NTM: variants seen among roughly 807,000 people sequenced by gnomAD.
The protein encoded by NTM is IgLON family member 2.
A neutral mutation model predicts 42.1 loss-of-function variants in NTM; 13 were observed. That is an observed-to-expected ratio of 0.31 (90% CI 0.20 to 0.49). The LOEUF is 0.49. NTM is among the 20% of genes least tolerant of loss of function. The pLI is 0.99. For synonymous variants in NTM, 187 were observed against 179.2 expected, an observed-to-expected ratio of 1.04 and a Z score of -0.35; for missense variants, 373 against 452.8, an observed-to-expected ratio of 0.82 and a Z score of 1.60.
chr11:131,830,880 T>C (rs763623533), intron 1 of NTM, among the ~76,000 whole-genome samples: 31 of 152,212 alleles, frequency 2.0e-4, no homozygotes, highest in Non-Finnish European at 3.7e-4. Context: ...GTAGATATCT[T>C]TCACCTCCTT....
chr11:131,878,745 G>A (rs947842827), intron 1 of NTM, among the ~76,000 whole-genome samples: 1 of 150,708 alleles, frequency 6.6e-6, no homozygotes, highest in Admixed American at 6.6e-5. Context: ...CTTTAGACAG[G>A]AAAAATAGGG....
intron 1 of NTM, among the ~76,000 whole-genome samples, chr11:131,632,274 A>T (rs1365122457): frequency 6.6e-6 from 1 of 152,152 alleles, no homozygotes; most frequent in Non-Finnish European, 1.5e-5. Flanking sequence ...CTGACTAACA[A>T]TATCTCAAAT....
intron 1 of NTM, among the ~76,000 whole-genome samples, chr11:131,656,571 T>A (rs1363598724): frequency 6.6e-6 from 1 of 152,218 alleles, no homozygotes; most frequent in East Asian, 1.9e-4. Context: ...ACCTGTAGCC[T>A]GTGTCACAGA....
rs548478571 is a variant in NTM, at chr11:131,718,872, C to T, written c.83-192692C>T. Among the ~76,000 whole-genome samples the T allele has an allele frequency of 2.4e-3, 368 of 152,268 alleles. 3 individuals are homozygous for T. Among genetic ancestry groups the T allele is most frequent in the African/African-American group, 8.3e-3 (346 of 41,568 alleles). On this transcript the variant is annotated intron_variant, in intron 1 of 8. Coordinates refer to ENST00000683400, the MANE Select transcript of NTM (RefSeq NM_001352005.2). ...GCTGGGATGAATGCTGTGCTCCTCT[C>T]GTTTTCCATCTCTCAGGAGTAATTA...
At chr11:131,749,830 C>A (rs895628164) in intron 1 of NTM, among the ~76,000 whole-genome samples, 1 of 152,120 alleles carries the variant, frequency 6.6e-6, no homozygotes, top group African/African-American at 2.4e-5. Context: ...AAACTCCTAA[C>A]CTCAGGTGAT....
intron 1 of NTM, among the ~76,000 whole-genome samples, chr11:131,656,709 C>G (rs2067231223): frequency 6.6e-6 from 1 of 152,062 alleles, no homozygotes; most frequent in Admixed American, 6.6e-5. Flanking sequence ...TCGTTCTGCC[C>G]CTGCGCGCTG....
At chr11:131,778,398 C>T (rs2087448213) in intron 1 of NTM, among the ~76,000 whole-genome samples, 1 of 152,190 alleles carries the variant, frequency 6.6e-6, no homozygotes, top group African/African-American at 2.4e-5. Flanking sequence ...GAATGAGAAA[C>T]TTAAAAGTGA....
chr11:131,919,210 G>A (rs2056874335), intron 2 of NTM, among the ~76,000 whole-genome samples: 1 of 151,778 alleles, frequency 6.6e-6, no homozygotes, highest in Non-Finnish European at 1.5e-5. Context: ...CTCTTAGGTT[G>A]AAAGTCTCCA....
chr11:131,453,749 T>C (rs907476426), intron 1 of NTM, among the ~76,000 whole-genome samples: 2 of 152,214 alleles, frequency 1.3e-5, no homozygotes, highest in Admixed American at 1.3e-4. Context: ...AGGAGCCATT[T>C]GCCATCTCTA....
chr11:131,449,885 GA>G, intron 1 of NTM, among the ~76,000 whole-genome samples: 1 of 152,264 alleles, frequency 6.6e-6, no homozygotes, highest in East Asian at 1.9e-4. Context: ...GGTGAGTCAA[GA>G]AAAGGCAGCT....
chr11:131,868,171 A>G (rs2047414764), intron 1 of NTM, among the ~76,000 whole-genome samples: 1 of 152,178 alleles, frequency 6.6e-6, no homozygotes, highest in African/African-American at 2.4e-5. Flanking sequence ...AACCTTAAAG[A>G]ATCCAAGGCA....
chr11:131,424,595 CTTTTCTTTTTTT>C (rs1407739220), intron 1 of NTM, among the ~76,000 whole-genome samples: 1 of 39,616 alleles, frequency 2.5e-5, no homozygotes, highest in East Asian at 9.5e-4. Context: ...TATTTCTTTT[CTTTTCTTTTTTT>C]TTTTTTTTTT....
chr11:131,917,067 A>T (rs141144895), intron 2 of NTM, among the ~76,000 whole-genome samples: 235 of 152,326 alleles, frequency 1.5e-3, no homozygotes, highest in African/African-American at 5.3e-3. Flanking sequence ...CAGAACAATC[A>T]TCTCCATCTG....
At chr11:131,928,425 G>A (rs981436965) in intron 2 of NTM, among the ~76,000 whole-genome samples, 3 of 152,242 alleles carry the variant, frequency 2.0e-5, no homozygotes, top group Non-Finnish European at 4.4e-5. Flanking sequence ...GCTGGAAGAC[G>A]TTCTGGCTGT....
chr11:131,667,265 G>T (rs1210184763), intron 1 of NTM, among the ~76,000 whole-genome samples: 1 of 152,160 alleles, frequency 6.6e-6, no homozygotes, highest in African/African-American at 2.4e-5. Flanking sequence ...TCCGTGGGTT[G>T]TTCTTGTTCC....
intron 3 of NTM, among the ~76,000 whole-genome samples, chr11:132,166,906 T>G (rs1259890331): frequency 6.6e-6 from 1 of 152,212 alleles, no homozygotes; most frequent in Non-Finnish European, 1.5e-5. Flanking sequence ...CGTTGTCATC[T>G]GTTTAGTGTT....
intron 1 of NTM, among the ~76,000 whole-genome samples, chr11:131,513,355 G>T (rs1266658663): frequency 6.6e-6 from 1 of 152,134 alleles, no homozygotes; most frequent in Non-Finnish European, 1.5e-5. Flanking sequence ...CATCCTCTGG[G>T]GTTTCCATAG....
At chr11:131,508,288 T>G (rs1260901874) in intron 1 of NTM, among the ~76,000 whole-genome samples, 2 of 145,436 alleles carry the variant, frequency 1.4e-5, no homozygotes, top group Non-Finnish European at 3.0e-5. Context: ...GAAAAAATGC[T>G]CATCATCACT....
intron 2 of NTM, among the ~76,000 whole-genome samples, chr11:132,052,668 A>T (rs1179770074): frequency 6.6e-6 from 1 of 152,124 alleles, no homozygotes; most frequent in Non-Finnish European, 1.5e-5. Context: ...TTTGAAGGGA[A>T]TGTTATTTGA....
Sources: gnomAD v4.1 joint callset for allele counts (sites outside exome capture counted in the v4.1 genomes callset) on GRCh38, gnomAD v4.1.1 for gene constraint, MANE v1.5 for transcripts, NCBI Gene and HGNC (gene_info 2026-07-23, HGNC 2026-07-21) for gene names.